The following COL1A2 variants were observed in gnomAD, a reference collection of about 807,000 sequenced individuals.
COL1A2 encodes collagen type I alpha 2 chain.
A neutral mutation model predicts 174.3 loss-of-function variants in COL1A2; 49 were observed. The ratio of observed to expected loss-of-function variants is 0.28; its 90% CI spans 0.22 to 0.36. The LOEUF (loss-of-function observed/expected upper bound fraction) is 0.36. COL1A2 is among the 10% of genes least tolerant of loss of function. The pLI is 1.00. For synonymous variants in COL1A2, 655 were observed against 606.6 expected (o/e 1.08, Z -1.17); for missense variants, 1,438 against 1,822.7 (o/e 0.79, Z 3.84).
At position 94,404,618 on chromosome 7, in the gene COL1A2, G is replaced by A. The variant is rs941517070; in HGVS notation, c.324+18G>A. On this transcript the variant is annotated intron_variant, in intron 7 of 51. Transcript: ENST00000297268. ...GAGCCCCAGTAAGTACTGAAAGCTT[G>A]TAATGCCTCTTATGTAAAAAGACAG... 20 of 1,613,980 alleles carry A rather than the reference G, an allele frequency of 1.2e-5. No homozygotes were observed. Among genetic ancestry groups the A allele is most frequent in the African/African-American group, 2.7e-5 (2 of 74,932 alleles).
intron 26 of COL1A2, 138 bp downstream of exon 26, chr7:94,413,274 A>T: frequency 1.1e-6 from 1 of 899,154 alleles, no homozygotes; most frequent in Non-Finnish European, 1.8e-6. Flanking sequence ...CTATCATAAA[A>T]TGCCTTTTTA....
At chr7:94,404,811 T>C (rs773540826) in intron 8 of COL1A2, 28 bp from the exon 9 acceptor site, 8 of 1,614,168 alleles carry the variant, frequency 5.0e-6, no homozygotes, top group Non-Finnish European at 6.8e-6. Context: ...ATAACCTTAG[T>C]GAAATGATGG....
intron 3 of COL1A2, among the ~76,000 whole-genome samples, chr7:94,398,774 C>T (rs1355637975): frequency 6.6e-6 from 1 of 151,998 alleles, no homozygotes; most frequent in Non-Finnish European, 1.5e-5. Flanking sequence ...ATTTAATCTA[C>T]AGTTATCATC....
chr7:94,424,931 C>T, intron 41 of COL1A2, 186 bp from the exon 42 acceptor site: 1 of 631,542 alleles, frequency 1.6e-6, no homozygotes. Flanking sequence ...TAAAGCTGGC[C>T]ATCTACATGT....
At chr7:94,405,380 A>AT in intron 10 of COL1A2, 128 bp downstream of exon 10, 2 of 918,500 alleles carry the variant, frequency 2.2e-6, no homozygotes, top group Non-Finnish European at 3.4e-6. Flanking sequence ...AAGGCATCTA[A>AT]TAAAGAAAAA....
chr7:94,423,209 A>T, intron 40 of COL1A2, 91 bp downstream of exon 40: 3 of 1,466,008 alleles, frequency 2.0e-6, no homozygotes, highest in Non-Finnish European at 2.9e-6. Context: ...CTATTTGTTG[A>T]TGAGTATTGC....
chr7:94,409,738 G>T lies in COL1A2; in HGVS notation c.952G>T (p.Ala318Ser). 1 of 1,614,140 alleles carries T rather than the reference G, an allele frequency of 6.2e-7. No homozygotes were observed. The highest frequency in any genetic ancestry group is 8.5e-7 in the Non-Finnish European group (1 of 1,180,014). ...TCCTTCACAGGGCCTTCCCGGCGTT[G>T]CTGGGGCTCCCGGCCTCCCTGGACC... ...AKGAAGLPGV[A>S]GAPGLPGPRG... Residue 318 changes from alanine (A) to serine (S), a missense_variant, in exon 19 of 52, where the codon GCT (alanine) becomes TCT (serine). Transcript: ENST00000297268.
Position 94,424,949 on chromosome 7 carries a change from G to A in COL1A2, c.2674-168G>A, listed in dbSNP as rs892242405. The A allele has an allele frequency of 9.1e-6, 6 of 661,694 alleles. No homozygotes were observed. In the Admixed American group the frequency reaches 1.1e-4, roughly 12 times the overall value. 41.0% of individuals were successfully genotyped at this position (661,694 alleles called of 1,614,324 possible). A position where few individuals can be genotyped will look rare whatever the true frequency, so the allele number is the denominator to read the frequency against. On this transcript the variant is annotated intron_variant, in intron 41 of 51. Coordinates refer to ENST00000297268, the MANE Select transcript of COL1A2 (RefSeq NM_000089.4). ...AGCTGGCCATCTACATGTGGAGAAGGAGGGCAGAGATGATACTAATGATAC... is the reference window on the plus strand; with the variant it reads ...AGCTGGCCATCTACATGTGGAGAAGAAGGGCAGAGATGATACTAATGATAC...
chr7:94,401,491 T>C (rs1351322558), intron 5 of COL1A2, 76 bp from the exon 6 acceptor site: 1 of 587,590 alleles, frequency 1.7e-6, no homozygotes, highest in African/African-American at 2.0e-5. Flanking sequence ...ACAAGTAGAA[T>C]GAGAAAATGA....
At chr7:94,417,856 T>C in intron 32 of COL1A2, 25 bp downstream of exon 32, 1 of 1,544,010 alleles carries the variant, frequency 6.5e-7, no homozygotes, top group South Asian at 1.2e-5. Context: ...CTATTACATA[T>C]TGTTGATGAA....
intron 42 of COL1A2, 183 bp from the exon 43 acceptor site, chr7:94,425,427 C>T (rs1473247222): frequency 2.4e-6 from 2 of 834,930 alleles, no homozygotes; most frequent in Non-Finnish European, 3.9e-6. Context: ...AAAACTGGGC[C>T]CAAGTATTTA....
rs1791843469 is a variant in COL1A2 at position 94,408,225 on chromosome 7, C to G, written c.682C>G (p.Pro228Ala). 6.2e-7 allele frequency: 1 copy of G among 1,613,946 alleles called. No individual in the cohort carries two copies. The highest frequency in any genetic ancestry group is 1.3e-5 in the African/African-American group (1 of 74,878). Residue 228 changes from proline (P) to alanine (A), a missense_variant, in exon 14 of 52, where the codon CCT becomes GCT. Coordinates refer to ENST00000297268, the MANE Select transcript of COL1A2 (RefSeq NM_000089.4). ...TGGTGAGAGAGGACGTGTTGGTGCC[C>G]CTGGCCCAGCTGTAAGTGCTTCCAT... ...LPGERGRVGA[P>A]GPAGARGSDG...
chr7:94,409,173 C>G (rs1791864395), intron 16 of COL1A2, 149 bp from the exon 17 acceptor site: 1 of 843,556 alleles, frequency 1.2e-6, no homozygotes, highest in Non-Finnish European at 2.0e-6. Flanking sequence ...AATAGGAAAC[C>G]AAACTCAAAT....
chr7:94,395,310 CT>C, intron 1 of COL1A2: 1 of 673,110 alleles, frequency 1.5e-6, no homozygotes, highest in Non-Finnish European at 2.7e-6. Context: ...AGTTAGGGAA[CT>C]TTTCCTCTAA....
At chr7:94,425,721 G>T (rs764359021) in intron 43 of COL1A2, 29 bp from the exon 44 acceptor site, 3 of 1,613,920 alleles carry the variant, frequency 1.9e-6, no homozygotes, top group Non-Finnish European at 2.5e-6. Context: ...AACCCAGATT[G>T]ATGCTAAGCT....
chr7:94,421,805 C>T (rs1792169489), intron 38 of COL1A2, 94 bp from the exon 39 acceptor site: 1 of 633,686 alleles, frequency 1.6e-6, no homozygotes, highest in Non-Finnish European at 2.5e-6. Flanking sequence ...TTCCTGGTCA[C>T]ATGTACTGAT....
chr7:94,427,728 C>G lies in COL1A2; in HGVS notation c.3369C>G (p.Arg1123=). ...ACTTCTACAGGGCTGACCAGCCTCG[C>G]TCAGCACCTTCTCTCAGACCCAAGG... ...DGDFYRADQP[R]SAPSLRPKDY... The change falls in exon 49 of 52, where the codon CGC becomes CGG. Residue 1123 remains arginine (R), a synonymous_variant. Coordinates refer to ENST00000297268, the MANE Select transcript of COL1A2 (RefSeq NM_000089.4). 3 of 1,614,098 alleles carry G rather than the reference C, an allele frequency of 1.9e-6. No homozygotes were observed. Among genetic ancestry groups the G allele is most frequent in the Non-Finnish European group, 2.5e-6 (3 of 1,180,016 alleles).
chr7:94,397,766 A>G lies in COL1A2; in HGVS notation c.81+8A>G. The G allele has an allele frequency of 7.6e-7, 1 of 1,317,436 alleles. No homozygotes were observed. The highest frequency in any genetic ancestry group is 1.2e-5 in the South Asian group (1 of 80,660). The allele number at this position is 1,317,436 out of a possible 1,614,324, so 81.6% of individuals were successfully genotyped here. ...TCTACAGCTTTACAAGAGGTGAGTA[A>G]AACTTTTTTTAGAATTTTTAAAAAT... On this transcript the variant is annotated splice_region_variant and intron_variant, in intron 2 of 51. Transcript: ENST00000297268.
rs1039974558 is a variant in COL1A2, at chr7:94,418,413, C to A, written c.1972-86C>A. The A allele has an allele frequency of 3.6e-6, 4 of 1,109,910 alleles. No homozygotes were observed. The Admixed American group carries it at 5.3e-5, about 15-fold the overall frequency. 68.8% of individuals were successfully genotyped at this position (1,109,910 alleles called of 1,614,324 possible). ...ATGACTGAAGGTATCATAGCATCTT[C>A]TGTAAAAAAGAAAAAAACTTCATAT... On this transcript the variant is annotated intron_variant, in intron 32 of 51. Transcript: ENST00000297268.
Sources: allele counts gnomAD v4.1 joint callset (sites outside exome capture counted in the v4.1 genomes callset), GRCh38; gene constraint gnomAD v4.1.1; transcripts MANE v1.5; gene names NCBI Gene and HGNC (gene_info 2026-07-23, HGNC 2026-07-21).